Variants in CDH12 observed in about 807,000 individuals in gnomAD.
CDH12 encodes cadherin-12.
A neutral mutation model predicts 74.1 loss-of-function variants in CDH12; 41 were observed. The observed-to-expected ratio is 0.55, with a 90% CI of 0.43 to 0.72. The LOEUF (loss-of-function observed/expected upper bound fraction) is 0.72, where lower values mean the gene tolerates loss of function less well. Ranked by LOEUF, CDH12 falls within the 30% of genes least tolerant of loss-of-function variation. CDH12 has a pLI of 0.00. For missense variants in CDH12, 945 were observed against 977.2 expected, an observed-to-expected ratio of 0.97 and a Z score of 0.44; for synonymous variants, 399 against 355.0, an observed-to-expected ratio of 1.12 and a Z score of -1.39.
chr5:22,126,001 G>A (rs567646615), intron 4 of CDH12, among the ~76,000 whole-genome samples: 10 of 28,466 alleles, frequency 3.5e-4, no homozygotes, highest in African/African-American at 5.7e-4. Context: ...CATTCATTTT[G>A]GGGGGGGGAC....
At chr5:22,466,721 T>A (rs1745742782) in intron 2 of CDH12, among the ~76,000 whole-genome samples, 1 of 151,164 alleles carries the variant, frequency 6.6e-6, no homozygotes, top group South Asian at 2.1e-4. Context: ...TTACAGACAT[T>A]TACAACTTTT....
chr5:22,091,182 AGT>A (rs199612473), intron 4 of CDH12, among the ~76,000 whole-genome samples: 192 of 135,626 alleles, frequency 1.4e-3, no homozygotes, highest in Middle Eastern at 7.4e-3. Flanking sequence ...AATATCCTAA[AGT>A]GTGTGTGTGT....
chr5:21,900,824 A>T lies in CDH12; in HGVS notation c.527-46034T>A, dbSNP rs549983830. Among the ~76,000 whole-genome samples, 3 of 152,352 alleles carry T rather than the reference A, an allele frequency of 2.0e-5. No individual in the cohort carries two copies. In the South Asian group the frequency reaches 6.2e-4, roughly 32 times the overall value. ...TTGATAGCGAATGCTCAGAATGACGATGGGCTACAGAATCATACAGTCATC... is the reference window on the plus strand; with the variant it reads ...TTGATAGCGAATGCTCAGAATGACGTTGGGCTACAGAATCATACAGTCATC... On this transcript the variant is annotated intron_variant, in intron 6 of 14. Transcript: ENST00000382254.
In CDH12 at chr5:21,752,117, C is replaced by G; in HGVS notation, c.2005G>C (p.Asp669His). The change falls in exon 15 of 15, where the codon GAT becomes CAT. Residue 669 changes from aspartate (D) to histidine (H), a missense_variant. By Grantham distance (81) the Asp-to-His change is moderately conservative (BLOSUM62 -1). Transcript: ENST00000382254. ...GCCCCGATGTCGAAAGCCTGGGTAT[C>G]TTCCTCCCCACCTCCTTCATCATCG... ...HYDDEGGGEE[D>H]TQAFDIGALR... The G allele has an allele frequency of 6.2e-7, 1 of 1,614,156 alleles. No individual in the cohort carries two copies. Among genetic ancestry groups the G allele is most frequent in the Non-Finnish European group, 8.5e-7 (1 of 1,180,022 alleles).
intron 1 of CDH12, among the ~76,000 whole-genome samples, chr5:22,607,405 G>A (rs950045061): frequency 3.3e-5 from 5 of 152,136 alleles, no homozygotes; most frequent in African/African-American, 7.2e-5. Context: ...CCACATGCCC[G>A]GGGAGGCCTC....
chr5:22,355,590 A>T (rs1740533695), intron 3 of CDH12, among the ~76,000 whole-genome samples: 2 of 151,726 alleles, frequency 1.3e-5, no homozygotes, highest in Non-Finnish European at 2.9e-5. Flanking sequence ...AATATCTTTT[A>T]AAAAGAACCT....
At chr5:22,216,753 G>T (rs1271952661) in intron 3 of CDH12, among the ~76,000 whole-genome samples, 2 of 151,828 alleles carry the variant, frequency 1.3e-5, no homozygotes, top group African/African-American at 2.4e-5. Context: ...ATACTCATGA[G>T]TTTAAGATAA....
chr5:22,661,785 G>T (rs1344738539), intron 1 of CDH12, among the ~76,000 whole-genome samples: 1 of 152,132 alleles, frequency 6.6e-6, no homozygotes, highest in Non-Finnish European at 1.5e-5. Flanking sequence ...CCAGAAATTA[G>T]ATTCGTAGAC....
At chr5:22,506,225 C>T (rs926678291) in intron 1 of CDH12, among the ~76,000 whole-genome samples, 5 of 152,022 alleles carry the variant, frequency 3.3e-5, no homozygotes, top group African/African-American at 9.7e-5. Flanking sequence ...GAGTTAAGCT[C>T]CATTTGCTGG....
chr5:22,542,625 G>A (rs914111781), intron 1 of CDH12, among the ~76,000 whole-genome samples: 1 of 152,140 alleles, frequency 6.6e-6, no homozygotes, highest in Admixed American at 6.5e-5. Context: ...TCACCCTTTG[G>A]CTGCAGTGGG....
chr5:22,609,237 T>C lies in CDH12; in HGVS notation c.-522-103873A>G, dbSNP rs553716295. Among the ~76,000 whole-genome samples, 18 of 152,328 alleles carry C rather than the reference T, an allele frequency of 1.2e-4. 1 individual carries two copies. The East Asian group carries it at 1.7e-3, about 15-fold the overall frequency. On this transcript the variant is annotated intron_variant, in intron 1 of 14. Transcript: ENST00000382254. ...CCAATGTAATCCAGGCCCTCTCAAC[T>C]ACTTGTTTATACTTATGTACATAAT...
intron 3 of CDH12, among the ~76,000 whole-genome samples, chr5:22,283,231 TATATATATATATATATATATAC>T (rs1561281612): frequency 2.5e-4 from 6 of 24,022 alleles, no homozygotes; most frequent in African/African-American, 4.6e-4. Flanking sequence ...TATATATATA[TATATATATATATATATATATAC>T]ACACACACAC....
chr5:22,588,344 A>G (rs1018923441), intron 1 of CDH12, among the ~76,000 whole-genome samples: 4 of 152,160 alleles, frequency 2.6e-5, no homozygotes, highest in Non-Finnish European at 4.4e-5. Flanking sequence ...AGTAAATTGG[A>G]AGTCATTTTA....
rs1259978799 is a variant in CDH12 at position 21,996,893 on chromosome 5, C to T, written c.232-21508G>A. Among the ~76,000 whole-genome samples the T allele has an allele frequency of 1.1e-4, 16 of 152,114 alleles. No individual in the cohort carries two copies. The South Asian group carries it at 3.3e-3, about 32-fold the overall frequency. ...TCAAGTTCAAGCTCCAGTAGCAACA[C>T]AGAAAAATATAACATGGAGTAAAAT... is the stretch of plus-strand genomic sequence containing the variant. On this transcript the variant is annotated intron_variant, in intron 5 of 14. Transcript: ENST00000382254.
At chr5:21,969,717 T>C (rs1453914470) in intron 6 of CDH12, among the ~76,000 whole-genome samples, 1 of 152,232 alleles carries the variant, frequency 6.6e-6, no homozygotes, top group Non-Finnish European at 1.5e-5. Flanking sequence ...TCTGCTGTTT[T>C]ACACTGCTAA....
At position 22,836,236 on chromosome 5, in the gene CDH12, T is replaced by TTTTTTTTTTTTTC. The variant is rs1248685404; in HGVS notation, c.-523+16821_-523+16822insGAAAAAAAAAAAA. 2.3e-5 allele frequency among the ~76,000 whole-genome samples: 3 copies of TTTTTTTTTTTTTC among 128,906 alleles called. 1 individual carries two copies. Among genetic ancestry groups the TTTTTTTTTTTTTC allele is most frequent in the African/African-American group, 8.8e-5 (3 of 34,268 alleles). 84.6% of individuals were successfully genotyped at this position (128,906 alleles called of 152,430 possible). ...TTCTTTCTTTCTCTTTTTTTTTTTTTTTTTTGAGACAGAGTCTCGCTCTGT... is the reference window on the plus strand; with the variant it reads ...TTCTTTCTTTCTCTTTTTTTTTTTTTTTTTTTTTTTTTCTTTTTGAGACAGAGTCTCGCTCTGT... On this transcript the variant is annotated intron_variant, in intron 1 of 14. Coordinates refer to ENST00000382254, the MANE Select transcript of CDH12 (RefSeq NM_004061.5).
At position 22,573,238 on chromosome 5, in the gene CDH12, A is replaced by G. The variant is rs369762112; in HGVS notation, c.-522-67874T>C. On this transcript the variant is annotated intron_variant, in intron 1 of 14. Coordinates refer to ENST00000382254, the MANE Select transcript of CDH12 (RefSeq NM_004061.5). Reference sequence around the variant, plus strand: ...CTTAGAACATTTGACAAATTTTTGCAACATTTTCCTCTTTTTACTCAGTGA... The same window carrying G: ...CTTAGAACATTTGACAAATTTTTGCGACATTTTCCTCTTTTTACTCAGTGA... 2.0e-5 allele frequency among the ~76,000 whole-genome samples: 3 copies of G among 152,154 alleles called. No homozygotes were observed. The East Asian group carries it at 5.8e-4, about 29-fold the overall frequency.
At chr5:22,019,508 G>T (rs778788671) in intron 5 of CDH12, among the ~76,000 whole-genome samples, 1 of 152,148 alleles carries the variant, frequency 6.6e-6, no homozygotes, top group African/African-American at 2.4e-5. Flanking sequence ...TCATGAAGGT[G>T]CAGCCTTCAT....
chr5:22,840,903 G>C (rs1478975927), intron 1 of CDH12, among the ~76,000 whole-genome samples: 1 of 152,122 alleles, frequency 6.6e-6, no homozygotes, highest in Non-Finnish European at 1.5e-5. Context: ...GCTAGCAAAG[G>C]TGGGAGTAAA....
Sources: gnomAD v4.1 joint callset for allele counts (sites outside exome capture counted in the v4.1 genomes callset) on GRCh38, gnomAD v4.1.1 for gene constraint, MANE v1.5 for transcripts, NCBI Gene and HGNC (gene_info 2026-07-23, HGNC 2026-07-21) for gene names.